KLF12: variants seen among roughly 807,000 people sequenced by gnomAD.
KLF12 encodes Krueppel-like factor 12.
Under a neutral mutation model 37.8 loss-of-function variants are expected in KLF12, and 9 were observed. The ratio of observed to expected loss-of-function variants is 0.24; its 90% CI spans 0.14 to 0.42. KLF12 has a LOEUF of 0.42. Among genes scored for constraint, KLF12 ranks in the 10% least tolerant of loss-of-function variants. KLF12 has a pLI of 1.00. For synonymous variants in KLF12, 208 were observed against 202.1 expected (o/e 1.03, Z -0.25); for missense variants, 411 against 516.0 (o/e 0.80, Z 1.97).
chr13:74,131,043 A>G (rs1441239577), intron 1 of KLF12, among the ~76,000 whole-genome samples: 1 of 152,210 alleles, frequency 6.6e-6, no homozygotes, highest in African/African-American at 2.4e-5. Context: ...GGTTACCCCA[A>G]ACTCTAGATT....
At chr13:74,241,716 G>C in the KLF12 span, among the ~76,000 whole-genome samples, 1 of 152,184 alleles carries the variant, frequency 6.6e-6, no homozygotes, top group African/African-American at 2.4e-5. Context: ...CGATTTTCCA[G>C]GTGCCGTCCG....
At chr13:73,962,654 T>C (rs1891054438) in intron 2 of KLF12, among the ~76,000 whole-genome samples, 1 of 152,214 alleles carries the variant, frequency 6.6e-6, no homozygotes, top group Non-Finnish European at 1.5e-5. Flanking sequence ...AAAAATAAAG[T>C]GTATTTTAAA....
At chr13:73,981,190 C>G (rs1891680245) in intron 2 of KLF12, among the ~76,000 whole-genome samples, 1 of 152,050 alleles carries the variant, frequency 6.6e-6, no homozygotes, top group African/African-American at 2.4e-5. Flanking sequence ...AAAACTATTG[C>G]AACTACATGG....
In KLF12 at chr13:73,957,106, A is replaced by AAAGGAAAGGAAAGGAAAGG. The variant is rs1566481773; in HGVS notation, c.34-13037_34-13036insCCTTTCCTTTCCTTTCCTT. On this transcript the variant is annotated intron_variant, in intron 2 of 7. Coordinates refer to ENST00000377669, the MANE Select transcript of KLF12 (RefSeq NM_007249.5). ...GAAAGGAAAGGAAAGGAAAGGAAAG[A>AAAGGAAAGGAAAGGAAAGG]AAGGAAAAGAAAGAAAAGGAAAGGA... Among the ~76,000 whole-genome samples the AAAGGAAAGGAAAGGAAAGG allele has an allele frequency of 1.5e-3, 203 of 133,958 alleles. 9 individuals carry two copies. The highest frequency in any genetic ancestry group is 3.3e-3 in the Admixed American group (43 of 13,010). The allele number at this position is 133,958 out of a possible 152,430, so 87.9% of individuals were successfully genotyped here. A position where few individuals can be genotyped will look rare whatever the true frequency, so the allele number is the denominator to read the frequency against.
chr13:74,208,497 G>A, the KLF12 span, among the ~76,000 whole-genome samples: 27 of 152,060 alleles, frequency 1.8e-4, no homozygotes, highest in Admixed American at 3.3e-4. Flanking sequence ...TAATATTTTT[G>A]GAAATGATAT....
intron 4 of KLF12, among the ~76,000 whole-genome samples, chr13:73,844,122 ATTT>A (rs1033435741): frequency 1.3e-5 from 2 of 152,112 alleles, no homozygotes; most frequent in East Asian, 1.9e-4. Context: ...TAATAAAATA[ATTT>A]TTATCTTATT....
At chr13:73,756,820 G>C (rs12232086) in intron 6 of KLF12, among the ~76,000 whole-genome samples, 3 of 152,086 alleles carry the variant, frequency 2.0e-5, no homozygotes, top group African/African-American at 7.2e-5. Context: ...AGGTGACACA[G>C]AGGAACTAGA....
intron 5 of KLF12, among the ~76,000 whole-genome samples, chr13:73,806,071 A>G (rs142903976): frequency 1.5e-4 from 22 of 150,146 alleles, no homozygotes; most frequent in African/African-American, 5.1e-4. Context: ...AAATGTTGGG[A>G]TTACAGGTGT....
At chr13:74,261,106 C>T in the KLF12 span, among the ~76,000 whole-genome samples, 4 of 151,958 alleles carry the variant, frequency 2.6e-5, no homozygotes, top group South Asian at 4.2e-4. Flanking sequence ...TAACCAAACA[C>T]CAGCTGTTCT....
At chr13:73,854,003 A>G (rs1412413183) in intron 3 of KLF12, among the ~76,000 whole-genome samples, 1 of 152,240 alleles carries the variant, frequency 6.6e-6, no homozygotes, top group African/African-American at 2.4e-5. Context: ...CGGAAGCTGG[A>G]TTAAGTCCTA....
chr13:73,825,490 C>T (rs1302641283), intron 4 of KLF12, among the ~76,000 whole-genome samples: 1 of 152,212 alleles, frequency 6.6e-6, no homozygotes, highest in Non-Finnish European at 1.5e-5. Context: ...GCTTTCCCAA[C>T]TTTAAACTGG....
At chr13:74,062,915 GA>G (rs1425851523) in intron 1 of KLF12, among the ~76,000 whole-genome samples, 8 of 152,266 alleles carry the variant, frequency 5.3e-5, no homozygotes, top group Admixed American at 2.6e-4. Context: ...GAAATAACCT[GA>G]AAAGGCTAGA....
chr13:74,152,459 C>T, the KLF12 span, among the ~76,000 whole-genome samples: 1 of 152,138 alleles, frequency 6.6e-6, no homozygotes. Context: ...TCCCTAAGAA[C>T]CAATTTTTTG....
intron 1 of KLF12, among the ~76,000 whole-genome samples, chr13:74,044,423 A>T (rs1325923326): frequency 1.3e-5 from 2 of 152,136 alleles, no homozygotes; most frequent in Non-Finnish European, 2.9e-5. Flanking sequence ...GGAGATATAT[A>T]AGATGGTGTA....
chr13:73,957,243 G>C (rs1197031456), intron 2 of KLF12, among the ~76,000 whole-genome samples: 2 of 151,972 alleles, frequency 1.3e-5, no homozygotes, highest in African/African-American at 4.8e-5. Context: ...ATTTGCTTCA[G>C]AATATATCTG....
At chr13:73,722,157 C>T (rs1285593122) in intron 6 of KLF12, among the ~76,000 whole-genome samples, 1 of 152,166 alleles carries the variant, frequency 6.6e-6, no homozygotes, top group Non-Finnish European at 1.5e-5. Context: ...GAATTAACTT[C>T]TGCCACAGAA....
chr13:74,202,367 T>C, the KLF12 span, among the ~76,000 whole-genome samples: 1 of 152,060 alleles, frequency 6.6e-6, no homozygotes, highest in Non-Finnish European at 1.5e-5. Context: ...GCTCCACTAT[T>C]CAAGGGATTG....
the KLF12 span, among the ~76,000 whole-genome samples, chr13:74,148,699 A>G: frequency 6.6e-6 from 1 of 151,174 alleles, no homozygotes; most frequent in South Asian, 2.1e-4. Flanking sequence ...TCCTTGAAAC[A>G]TTTTCCTTCT....
chr13:74,043,585 G>A (rs1223772499), intron 1 of KLF12, among the ~76,000 whole-genome samples: 1 of 152,098 alleles, frequency 6.6e-6, no homozygotes, highest in Non-Finnish European at 1.5e-5. Flanking sequence ...CCTTGACTAC[G>A]ACAACCCATA....
Sources: allele counts gnomAD v4.1 joint callset (sites outside exome capture counted in the v4.1 genomes callset), GRCh38; gene constraint gnomAD v4.1.1; transcripts MANE v1.5; gene names NCBI Gene and HGNC (gene_info 2026-07-23, HGNC 2026-07-21).